TRPM6: variants seen among roughly 807,000 people sequenced by gnomAD.
The protein encoded by TRPM6 is transient receptor potential cation channel subfamily M member 6, also known as channel kinase 2.
TRPM6 carries 111 observed loss-of-function variants against 247.6 expected under a neutral mutation model. That is an observed-to-expected ratio of 0.45 (90% CI 0.38 to 0.52). TRPM6 has a LOEUF of 0.52. Ranked by LOEUF, TRPM6 falls within the 20% of genes least tolerant of loss-of-function variation. The probability of loss-of-function intolerance (pLI) is 0.00; values close to 1 mark genes in which losing one functional copy is unlikely to be tolerated. For synonymous variants in TRPM6, 892 were observed against 853.8 expected (o/e 1.04, Z -0.78); for missense variants, 2,126 against 2,421.5 (o/e 0.88, Z 2.56).
chr9:74,757,284 A>G (rs1318635223), intron 27 of TRPM6, among the ~76,000 whole-genome samples: 1 of 151,902 alleles, frequency 6.6e-6, no homozygotes, highest in Non-Finnish European at 1.5e-5. Flanking sequence ...AGCATGAATG[A>G]AACAGAAATC....
intron 1 of TRPM6, among the ~76,000 whole-genome samples, chr9:74,868,069 A>T (rs1451017360): frequency 6.7e-6 from 1 of 150,230 alleles, no homozygotes; most frequent in Non-Finnish European, 1.5e-5. Context: ...CAGGAGAATC[A>T]CTTGAATCCG....
rs879038493 is a variant in TRPM6, at chr9:74,724,459, T to C, written c.*154A>G. The C allele has an allele frequency of 4.7e-6, 5 of 1,068,114 alleles. No homozygotes were observed. In the South Asian group the frequency reaches 6.8e-5, roughly 14 times the overall value. 66.2% of individuals were successfully genotyped at this position (1,068,114 alleles called of 1,614,324 possible). A position where few individuals can be genotyped will look rare whatever the true frequency, so the allele number is the denominator to read the frequency against. Reference sequence around the variant, plus strand: ...TGTCTAGGAGAACCCATTGATCATATACCAATGAGGCCTTTGAACAGAAGG... The same window carrying C: ...TGTCTAGGAGAACCCATTGATCATACACCAATGAGGCCTTTGAACAGAAGG... On this transcript the variant is annotated 3_prime_UTR_variant, in exon 39 of 39. Coordinates refer to ENST00000360774, the MANE Select transcript of TRPM6 (RefSeq NM_017662.5).
Position 74,762,172 on chromosome 9 carries a change from G to A in TRPM6, c.4499C>T (p.Ser1500Phe). ...HQKQAQDSSL[S>F]DNSTRSAQSS... ...CTGGGCCGATCTTGTTGAGTTATCA[G>A]ATAGGGAGCTGTCCTGGGCCTGCTT... Residue 1500 changes from serine (S) to phenylalanine (F), a missense_variant, in exon 26 of 39, where the codon TCT becomes TTT. This residue lies in a region of TRPM6 where 717 missense variants were observed against 715.9 expected (regional missense o/e 1.00). Coordinates refer to ENST00000360774, the MANE Select transcript of TRPM6 (RefSeq NM_017662.5). The A allele has an allele frequency of 6.2e-7, 1 of 1,614,216 alleles. No homozygotes were observed.
intron 11 of TRPM6, among the ~76,000 whole-genome samples, chr9:74,813,051 G>A (rs1238966482): frequency 6.6e-6 from 1 of 152,198 alleles, no homozygotes; most frequent in Admixed American, 6.5e-5. Flanking sequence ...CAGGCTTAAT[G>A]CAATTCTGAT....
chr9:74,870,381 G>C (rs944220406), intron 1 of TRPM6, among the ~76,000 whole-genome samples: 1 of 152,058 alleles, frequency 6.6e-6, no homozygotes, highest in Non-Finnish European at 1.5e-5. Flanking sequence ...AGGAGTTTGG[G>C]ATAAAGGATA....
At chr9:74,849,311 A>T (rs1232591481) in intron 3 of TRPM6, among the ~76,000 whole-genome samples, 1 of 148,954 alleles carries the variant, frequency 6.7e-6, no homozygotes, top group Non-Finnish European at 1.5e-5. Flanking sequence ...AGATTGCACC[A>T]TTGCACTCCA....
intron 19 of TRPM6, among the ~76,000 whole-genome samples, chr9:74,789,136 G>A (rs114120301): frequency 2.1e-3 from 325 of 152,292 alleles, no homozygotes; most frequent in African/African-American, 7.5e-3. Context: ...TGCCAGATCC[G>A]CAGTGGCAAT....
intron 25 of TRPM6, among the ~76,000 whole-genome samples, chr9:74,764,884 G>C (rs913632582): frequency 1.3e-5 from 2 of 152,128 alleles, no homozygotes; most frequent in South Asian, 4.1e-4. Flanking sequence ...GACATGAACA[G>C]ATGAAAGGAT....
chr9:74,846,603 G>A (rs1196500014), intron 3 of TRPM6, among the ~76,000 whole-genome samples: 1 of 151,936 alleles, frequency 6.6e-6, no homozygotes, highest in East Asian at 1.9e-4. Context: ...GGAATGCAGT[G>A]TGACATGATC....
At position 74,762,189 on chromosome 9, in the gene TRPM6, G is replaced by A. The variant is rs975828807; in HGVS notation, c.4482C>T (p.Ala1494=). The change falls in exon 26 of 39, where the codon GCC becomes GCT. Residue 1494 remains alanine, a synonymous_variant. Transcript: ENST00000360774. ...AGTTATCAGATAGGGAGCTGTCCTGGGCCTGCTTCTGGTGCTGTTCACTCC... is the reference window on the plus strand; with the variant it reads ...AGTTATCAGATAGGGAGCTGTCCTGAGCCTGCTTCTGGTGCTGTTCACTCC... ...SSRSEQHQKQ[A]QDSSLSDNST... 10 of 1,614,042 alleles carry A rather than the reference G, an allele frequency of 6.2e-6. No individual in the cohort carries two copies. Among genetic ancestry groups the A allele is most frequent in the Non-Finnish European group, 8.5e-6 (10 of 1,180,028 alleles).
In TRPM6 at chr9:74,808,135, T is replaced by A; in HGVS notation, c.1537A>T (p.Ile513Phe). The change falls in exon 14 of 39, where the codon ATT becomes TTT. Residue 513 changes from isoleucine to phenylalanine, a missense_variant. Ile to Phe is a conservative substitution (Grantham distance 21, BLOSUM62 0). Transcript: ENST00000360774. ...ATGAGGTATTCTACTACTAATCCAA[T>A]GTCAATCAAGGTTATTCGGTAGCCT... is the stretch of plus-strand genomic sequence containing the variant. ...LSGYRITLID[I>F]GLVVEYLIGR... 1 of 1,614,006 alleles carries A rather than the reference T, an allele frequency of 6.2e-7. No homozygotes were observed.
At chr9:74,776,205 C>G in intron 23 of TRPM6, 129 bp from the exon 24 acceptor site, 2 of 791,574 alleles carry the variant, frequency 2.5e-6, no homozygotes, top group South Asian at 2.8e-5. Context: ...CAAATACTAT[C>G]CACGTGTTTA....
rs770200900 is a variant in TRPM6 at position 74,812,356 on chromosome 9, A to G, written c.1386T>C (p.Tyr462=). 4.9e-5 allele frequency: 79 copies of G among 1,613,954 alleles called. No homozygotes were observed. Among genetic ancestry groups the G allele is most frequent in the Non-Finnish European group, 6.4e-5 (76 of 1,179,972 alleles). The part of the protein sequence containing the change: ...RVDFVKLLIE[Y]GVNLHRFLTI... ...TAAGAAAGCGATGGAGGTTCACTCC[A>G]TATTCTATTAAGAGCTTCACAAAAT... The change falls in exon 12 of 39, where the codon TAT becomes TAC. Residue 462 remains tyrosine (Y), a synonymous_variant. Coordinates refer to ENST00000360774, the MANE Select transcript of TRPM6 (RefSeq NM_017662.5).
chr9:74,844,753 C>T (rs1233452352), intron 3 of TRPM6, among the ~76,000 whole-genome samples: 2 of 152,044 alleles, frequency 1.3e-5, no homozygotes, highest in African/African-American at 4.8e-5. Context: ...CTTTCCTTTG[C>T]ATTCACAACT....
In TRPM6 at chr9:74,762,795, G is replaced by A. The variant is rs145262226; in HGVS notation, c.3876C>T (p.Pro1292=). Residue 1292 remains proline, a synonymous_variant, in exon 26 of 39, where the codon CCC becomes CCT. Transcript: ENST00000360774. The part of the protein sequence containing the change: ...LLRSLAGGRH[P]PRVQRGALLE... Reference sequence around the variant, plus strand: ...GAAGTGCCCCCCTCTGCACTCTTGGGGGATGCCGGCCTCCAGCCAGGCTCC... The same window carrying A: ...GAAGTGCCCCCCTCTGCACTCTTGGAGGATGCCGGCCTCCAGCCAGGCTCC... 6.2e-7 allele frequency: 1 copy of A among 1,613,950 alleles called. No individual in the cohort carries two copies. Among genetic ancestry groups the A allele is most frequent in the African/African-American group, 1.3e-5 (1 of 74,904 alleles).
chr9:74,761,622 A>C, intron 27 of TRPM6, 74 bp downstream of exon 27: 1 of 888,850 alleles, frequency 1.1e-6, no homozygotes, highest in Non-Finnish European at 1.9e-6. Context: ...CTTTACAGTA[A>C]AGATAAATCA....
At chr9:74,832,232 C>A (rs1167928331) in intron 6 of TRPM6, among the ~76,000 whole-genome samples, 1 of 151,968 alleles carries the variant, frequency 6.6e-6, no homozygotes, top group Non-Finnish European at 1.5e-5. Flanking sequence ...AACAAATGAC[C>A]CAGTTTCCTC....
Position 74,779,958 on chromosome 9 carries a change from G to A in TRPM6, c.3209+2404C>T, listed in dbSNP as rs534602667. Among the ~76,000 whole-genome samples, 5 of 150,158 alleles carry A rather than the reference G, an allele frequency of 3.3e-5. No individual in the cohort carries two copies. In the South Asian group the frequency reaches 1.1e-3, roughly 32 times the overall value. On this transcript the variant is annotated intron_variant, in intron 23 of 38. Coordinates refer to ENST00000360774, the MANE Select transcript of TRPM6 (RefSeq NM_017662.5). The stretch of plus-strand genomic sequence containing the variant: ...GGAGGCCAAGGTGGGCGGATCACAA[G>A]GTCAGGAGTTCAAGACCAGCCTGGC...
intron 12 of TRPM6, 96 bp from the exon 13 acceptor site, chr9:74,810,964 C>T: frequency 1.0e-6 from 1 of 955,104 alleles, no homozygotes; most frequent in Non-Finnish European, 1.7e-6. Context: ...ACTGAGAATA[C>T]TGAAAATTGT....
Sources: allele counts gnomAD v4.1 joint callset (sites outside exome capture counted in the v4.1 genomes callset), GRCh38; gene constraint gnomAD v4.1.1; regional missense constraint gnomAD v4.1.1; transcripts MANE v1.5; gene names NCBI Gene and HGNC (gene_info 2026-07-23, HGNC 2026-07-21).